ANKRD30B: variants seen among roughly 807,000 people sequenced by gnomAD.
The protein encoded by ANKRD30B is ankyrin repeat domain-containing protein 30B.
In ANKRD30B, 144 loss-of-function variants were observed where a neutral mutation model predicts 202.2. The observed-to-expected ratio is 0.71, with a 90% CI of 0.62 to 0.82. The LOEUF (loss-of-function observed/expected upper bound fraction) is 0.82, where lower values mean the gene tolerates loss of function less well. Among genes scored for constraint, ANKRD30B ranks in the 40% least tolerant of loss-of-function variants. The pLI is 0.00. For synonymous variants in ANKRD30B, 508 were observed against 561.3 expected, an observed-to-expected ratio of 0.91 and a Z score of 1.34; for missense variants, 1,487 against 1,669.1, an observed-to-expected ratio of 0.89 and a Z score of 1.90.
At chr18:14,790,024 A>G (rs1377603397) in intron 15 of ANKRD30B, among the ~76,000 whole-genome samples, 4 of 152,232 alleles carry the variant, frequency 2.6e-5, no homozygotes, top group Admixed American at 6.5e-5. Flanking sequence ...ACCCATGAGC[A>G]TGGAATGTTC....
chr18:14,896,978 A>C, the ANKRD30B span, among the ~76,000 whole-genome samples: 1 of 151,786 alleles, frequency 6.6e-6, no homozygotes, highest in East Asian at 1.9e-4. Context: ...AAAAAAAAAA[A>C]AAACAGGAAA....
At chr18:14,881,185 A>G in the ANKRD30B span, among the ~76,000 whole-genome samples, 1 of 152,108 alleles carries the variant, frequency 6.6e-6, no homozygotes, top group South Asian at 2.1e-4. Context: ...GAATGCTTTC[A>G]CCTTTTCCCC....
At chr18:14,877,690 C>G in the ANKRD30B span, 1 of 152,044 alleles carries the variant, frequency 6.6e-6, no homozygotes, top group East Asian at 1.9e-4. Flanking sequence ...ACAGGTGGGA[C>G]TGGGGCTCCT....
chr18:14,783,381 G>C (rs945257024), intron 12 of ANKRD30B, among the ~76,000 whole-genome samples: 2 of 152,034 alleles, frequency 1.3e-5, no homozygotes, highest in Non-Finnish European at 2.9e-5. Flanking sequence ...TGCTCATTAG[G>C]TTTCTATGTT....
rs538752454 is a variant in ANKRD30B, at chr18:14,755,500, T to A, written c.617+495T>A. On this transcript the variant is annotated intron_variant, in intron 4 of 43. Transcript: ENST00000690538. ...TGCCATGTTGGTGGGCTGCACCCAT[T>A]AACTCGTCATTTAGCATTAGGTATA... Among the ~76,000 whole-genome samples the A allele has an allele frequency of 4.6e-5, 7 of 152,178 alleles. No individual in the cohort carries two copies. In the South Asian group the frequency reaches 1.5e-3, roughly 32 times the overall value.
chr18:14,766,493 A>AAAAAAGAAAAGAAAAG (rs1567989711), intron 7 of ANKRD30B, among the ~76,000 whole-genome samples: 11 of 85,056 alleles, frequency 1.3e-4, no homozygotes, highest in Non-Finnish European at 2.7e-4. Context: ...AAAAAAAAAA[A>AAAAAAGAAAAGAAAAG]AAAAGAAAAG....
At chr18:14,865,453 T>C in the ANKRD30B span, among the ~76,000 whole-genome samples, 1 of 151,250 alleles carries the variant, frequency 6.6e-6, no homozygotes, top group Non-Finnish European at 1.5e-5. Flanking sequence ...CTCCCCACCG[T>C]ATTTTTGCAA....
At chr18:14,919,585 C>G in the ANKRD30B span, among the ~76,000 whole-genome samples, 2 of 152,192 alleles carry the variant, frequency 1.3e-5, no homozygotes, top group Non-Finnish European at 2.9e-5. Context: ...CTCTAAATGA[C>G]AGGTACCCCA....
chr18:14,785,390 G>A (rs751161042), intron 14 of ANKRD30B, among the ~76,000 whole-genome samples: 12 of 152,010 alleles, frequency 7.9e-5, no homozygotes, highest in Admixed American at 3.9e-4. Context: ...TAAATATTAG[G>A]TTGTTTATAA....
At chr18:14,860,242 G>A in the ANKRD30B span, among the ~76,000 whole-genome samples, 1 of 144,230 alleles carries the variant, frequency 6.9e-6, no homozygotes, top group African/African-American at 2.6e-5. Context: ...CGGGGCAGCT[G>A]GGCAAAGGCG....
At chr18:14,841,318 C>G (rs921991750) in intron 37 of ANKRD30B, among the ~76,000 whole-genome samples, 5 of 152,204 alleles carry the variant, frequency 3.3e-5, no homozygotes, top group Non-Finnish European at 5.9e-5. Flanking sequence ...CACGCTGTGA[C>G]TCAGCAGACT....
In ANKRD30B at chr18:14,852,153, T is replaced by C; in HGVS notation, c.4209T>C (p.Asn1403=). The change falls in exon 42 of 44, where the codon AAT becomes AAC. Residue 1403 remains asparagine (N), a synonymous_variant. Transcript: ENST00000690538. ...QMKKAEHMYQ[N]EQDNVDKHTE... The stretch of plus-strand genomic sequence containing the variant: ...AGAAAGCTGAACACATGTATCAAAA[T>C]GAACAAGATAATGTGGACAAACACA... 6.3e-7 allele frequency: 1 copy of C among 1,593,846 alleles called. No homozygotes were observed. Among genetic ancestry groups the C allele is most frequent in the Non-Finnish European group, 8.5e-7 (1 of 1,170,076 alleles).
intron 7 of ANKRD30B, among the ~76,000 whole-genome samples, chr18:14,766,414 A>G (rs1177544440): frequency 7.7e-6 from 1 of 129,104 alleles, no homozygotes; most frequent in Non-Finnish European, 1.6e-5. Context: ...TGGAGGTTGC[A>G]GTGAGCCGAG....
chr18:14,894,946 GC>G, the ANKRD30B span, among the ~76,000 whole-genome samples: 2 of 151,208 alleles, frequency 1.3e-5, no homozygotes, highest in Non-Finnish European at 2.9e-5. Context: ...GGGCAAATAA[GC>G]AGATGAAAAG....
the ANKRD30B span, among the ~76,000 whole-genome samples, chr18:14,861,330 C>G: frequency 6.6e-6 from 1 of 151,998 alleles, no homozygotes; most frequent in African/African-American, 2.4e-5. Flanking sequence ...CACAAAGTGG[C>G]AAACTGGATA....
At chr18:14,896,084 G>A in the ANKRD30B span, among the ~76,000 whole-genome samples, 5 of 151,990 alleles carry the variant, frequency 3.3e-5, no homozygotes, top group African/African-American at 1.2e-4. Flanking sequence ...ATTTATAATG[G>A]AGGAACTGTG....
At chr18:14,774,867 C>A (rs112727125) in intron 9 of ANKRD30B, among the ~76,000 whole-genome samples, 1,910 of 151,742 alleles carry the variant, frequency 0.013, 44 homozygotes, top group African/African-American at 0.044. Context: ...GTGGCTCATG[C>A]CTGTAATCCC....
the ANKRD30B span, among the ~76,000 whole-genome samples, chr18:14,879,526 A>C: frequency 6.6e-6 from 1 of 152,160 alleles, no homozygotes; most frequent in Non-Finnish European, 1.5e-5. Flanking sequence ...AGTCAATACA[A>C]ATGTAGTAAC....
chr18:14,930,007 C>T, the ANKRD30B span, among the ~76,000 whole-genome samples: 11 of 152,264 alleles, frequency 7.2e-5, no homozygotes, highest in Admixed American at 2.0e-4. Flanking sequence ...GAGTAAGTGG[C>T]TTCCCTCACA....
Sources: allele counts gnomAD v4.1 joint callset (sites outside exome capture counted in the v4.1 genomes callset), GRCh38; gene constraint gnomAD v4.1.1; transcripts MANE v1.5; gene names NCBI Gene and HGNC (gene_info 2026-07-23, HGNC 2026-07-21).